The following SLC4A1AP variants were observed in gnomAD, a reference collection of about 807,000 sequenced individuals.
SLC4A1AP encodes solute carrier family 4 member 1 adaptor protein.
In SLC4A1AP, 64 loss-of-function variants were observed where a neutral mutation model predicts 89.7. The observed-to-expected ratio is 0.71, with a 90% CI of 0.58 to 0.88. The LOEUF (loss-of-function observed/expected upper bound fraction) is 0.88. Among genes scored for constraint, SLC4A1AP ranks in the 40% least tolerant of loss-of-function variants. The pLI is 0.00. For synonymous variants in SLC4A1AP, 366 were observed against 353.3 expected, an observed-to-expected ratio of 1.04 and a Z score of -0.40; for missense variants, 931 against 965.0, an observed-to-expected ratio of 0.96 and a Z score of 0.47.
chr2:27,677,244 A>T, intron 6 of SLC4A1AP, 51 bp from the exon 7 acceptor site: 1 of 1,177,646 alleles, frequency 8.5e-7, no homozygotes, highest in Non-Finnish European at 1.3e-6. Context: ...AGGATGAAAA[A>T]CAGTTTGAAA....
chr2:27,664,241 C>G, exon 1 of SLC4A1AP: 1 of 1,614,182 alleles, frequency 6.2e-7, no homozygotes, highest in Non-Finnish European at 8.5e-7. Flanking sequence ...GTGGCCCTGC[C>G]ACAGCCCCCT....
At chr2:27,673,108 A>G (rs929261400) in intron 5 of SLC4A1AP, among the ~76,000 whole-genome samples, 1 of 152,232 alleles carries the variant, frequency 6.6e-6, no homozygotes, top group African/African-American at 2.4e-5. Context: ...TTTCTCAACC[A>G]GTTTTTACTT....
intron 3 of SLC4A1AP, among the ~76,000 whole-genome samples, chr2:27,667,959 A>T (rs958405526): frequency 1.3e-5 from 2 of 152,120 alleles, no homozygotes; most frequent in African/African-American, 4.8e-5. Context: ...ATAACCACTA[A>T]AGTCTACAAC....
intron 10 of SLC4A1AP, among the ~76,000 whole-genome samples, chr2:27,687,019 G>C (rs187427213): frequency 6.6e-5 from 10 of 152,196 alleles, no homozygotes; most frequent in Non-Finnish European, 1.5e-4. Context: ...GCTCAAGCTG[G>C]TCTCAAACTC....
chr2:27,688,968 GCTAT>G (rs1054669994), intron 12 of SLC4A1AP, among the ~76,000 whole-genome samples: 105 of 152,188 alleles, frequency 6.9e-4, no homozygotes, highest in Non-Finnish European at 1.1e-3. Flanking sequence ...TCACATACAA[GCTAT>G]CTCTTTTATT....
At chr2:27,664,171 C>G in exon 1 of SLC4A1AP, 1 of 1,614,188 alleles carries the variant, frequency 6.2e-7, no homozygotes, top group Non-Finnish European at 8.5e-7. Context: ...CGCCCCCCGA[C>G]AGCGGTTTCT....
exon 11 of SLC4A1AP, chr2:27,687,967 A>C: frequency 6.2e-7 from 1 of 1,613,990 alleles, no homozygotes; most frequent in Admixed American, 1.7e-5. Context: ...GAAGAACAGA[A>C]TAAAGATTAT....
chr2:27,664,120 C>A, exon 1 of SLC4A1AP: 1 of 1,614,190 alleles, frequency 6.2e-7, no homozygotes, highest in Non-Finnish European at 8.5e-7. Context: ...CCTCCTCAGC[C>A]GGACTGCGGT....
chr2:27,688,874 A>T, intron 12 of SLC4A1AP, 107 bp downstream of exon 12: 1 of 737,106 alleles, frequency 1.4e-6, no homozygotes, highest in South Asian at 2.2e-5. Context: ...CAGCAGCCTT[A>T]TTCCCCTCTC....
At chr2:27,677,679 T>G in intron 7 of SLC4A1AP, 59 bp from the exon 8 acceptor site, 1 of 1,423,014 alleles carries the variant, frequency 7.0e-7, no homozygotes, top group South Asian at 1.4e-5. Flanking sequence ...AAACTTTGGC[T>G]GAATTTTAAA....
At chr2:27,664,624 GTTCTTGTGC>G in intron 1 of SLC4A1AP, 47 bp downstream of exon 1, 1 of 1,389,610 alleles carries the variant, frequency 7.2e-7, no homozygotes, top group South Asian at 1.3e-5. Context: ...ATTGGACTGC[GTTCTTGTGC>G]TTCTTAAGCT....
At chr2:27,679,590 A>C (rs1675585558) in intron 8 of SLC4A1AP, among the ~76,000 whole-genome samples, 1 of 152,212 alleles carries the variant, frequency 6.6e-6, no homozygotes, top group Non-Finnish European at 1.5e-5. Flanking sequence ...CGACAGAGCG[A>C]GACTCCATCT....
chr2:27,665,093 T>G lies in SLC4A1AP; in HGVS notation c.826-7T>G, dbSNP rs1558504400. Reference sequence around the variant, plus strand: ...AATAAATAACCTTTTTTTCCTTGGTTCATCAGGGACCAGAGGAAGACCGAG... The same window carrying G: ...AATAAATAACCTTTTTTTCCTTGGTGCATCAGGGACCAGAGGAAGACCGAG... On this transcript the variant is annotated splice_region_variant and splice_polypyrimidine_tract_variant and intron_variant, in intron 1 of 13. Coordinates refer to ENST00000613058, the Ensembl canonical transcript of SLC4A1AP. 1 of 1,605,238 alleles carries G rather than the reference T, an allele frequency of 6.2e-7. No individual in the cohort carries two copies.
At chr2:27,690,345 A>T (rs1318977727) in intron 12 of SLC4A1AP, among the ~76,000 whole-genome samples, 1 of 151,540 alleles carries the variant, frequency 6.6e-6, no homozygotes, top group Non-Finnish European at 1.5e-5. Flanking sequence ...CCATCATACC[A>T]CTCTGTATGC....
At chr2:27,689,126 T>A (rs1675750748) in intron 12 of SLC4A1AP, among the ~76,000 whole-genome samples, 1 of 152,170 alleles carries the variant, frequency 6.6e-6, no homozygotes, top group Non-Finnish European at 1.5e-5. Context: ...TTTATTTATT[T>A]ATTTATTTAA....
intron 3 of SLC4A1AP, chr2:27,668,553 TA>T (rs1675371032): frequency 1.8e-6 from 1 of 563,030 alleles, no homozygotes; most frequent in Non-Finnish European, 3.4e-6. Context: ...GGGTTTAAGC[TA>T]TGCTCCGGCC....
At chr2:27,688,008 G>A (rs1026369312) in exon 11 of SLC4A1AP, 1 of 1,613,558 alleles carries the variant, frequency 6.2e-7, no homozygotes, top group African/African-American at 1.3e-5. Flanking sequence ...TTCATTGTGC[G>A]CAGGACCCTC....
intron 10 of SLC4A1AP, among the ~76,000 whole-genome samples, chr2:27,687,411 T>C (rs182622664): frequency 5.3e-5 from 8 of 151,886 alleles, no homozygotes; most frequent in Admixed American, 3.3e-4. Context: ...AGTGAAACTC[T>C]ATCTCTACAA....
At chr2:27,679,011 C>G (rs1215803764) in intron 8 of SLC4A1AP, among the ~76,000 whole-genome samples, 1 of 152,100 alleles carries the variant, frequency 6.6e-6, no homozygotes, top group Non-Finnish European at 1.5e-5. Flanking sequence ...AGCCACCACA[C>G]CTGGTCTTAA....
Sources: allele counts gnomAD v4.1 joint callset (sites outside exome capture counted in the v4.1 genomes callset), GRCh38; gene constraint gnomAD v4.1.1; transcripts MANE v1.5; gene names NCBI Gene and HGNC (gene_info 2026-07-23, HGNC 2026-07-21).